The following SCAMP2 variants were observed in gnomAD, a reference collection of about 807,000 sequenced individuals.
The protein encoded by SCAMP2 is secretory carrier-associated membrane protein 2.
A neutral mutation model predicts 44.1 loss-of-function variants in SCAMP2; 25 were observed. The ratio of observed to expected loss-of-function variants is 0.57; its 90% CI spans 0.41 to 0.79. The LOEUF (loss-of-function observed/expected upper bound fraction) is 0.79, where lower values mean the gene tolerates loss of function less well. SCAMP2 is among the 30% of genes least tolerant of loss of function. The pLI is 0.00. For missense variants in SCAMP2, 355 were observed against 411.0 expected (o/e 0.86, Z 1.18); for synonymous variants, 156 against 166.0 (o/e 0.94, Z 0.46).
In SCAMP2 at chr15:74,844,905, A is replaced by G. The variant is rs1359134785; in HGVS notation, c.*178T>C. The G allele has an allele frequency of 4.6e-6, 3 of 645,996 alleles. No homozygotes were observed. The highest frequency in any genetic ancestry group is 4.5e-5 in the South Asian group (2 of 44,516). The allele number at this position is 645,996 out of a possible 1,614,324, so 40.0% of individuals were successfully genotyped here. On this transcript the variant is annotated 3_prime_UTR_variant, in exon 9 of 9. Coordinates refer to ENST00000268099, the MANE Select transcript of SCAMP2 (RefSeq NM_005697.5). ...TTTTTTTTTGTACATAGAGGGGGAA[A>G]AAATTCCCTGTCCCTCCCGTTCCAG...
At chr15:74,849,538 G>A (rs1007184436) in intron 6 of SCAMP2, among the ~76,000 whole-genome samples, 5 of 151,954 alleles carry the variant, frequency 3.3e-5, no homozygotes. Flanking sequence ...GAGGTCACAA[G>A]TTCAAGACCA....
rs913350013 is a variant in SCAMP2, at chr15:74,851,618, T to C, written c.344-137A>G. On this transcript the variant is annotated intron_variant, in intron 4 of 8. Coordinates refer to ENST00000268099, the MANE Select transcript of SCAMP2 (RefSeq NM_005697.5). ...CAGCAAGCGGGGCTTGGAGTCTGCATGGAGCATGGAGTGGGACAGAACAGG... is the reference window on the plus strand; with the variant it reads ...CAGCAAGCGGGGCTTGGAGTCTGCACGGAGCATGGAGTGGGACAGAACAGG... 10 of 1,036,166 alleles carry C rather than the reference T, an allele frequency of 9.7e-6. No homozygotes were observed. The African/African-American group carries it at 1.6e-4, about 17-fold the overall frequency. The allele number at this position is 1,036,166 out of a possible 1,614,324, so 64.2% of individuals were successfully genotyped here. A position where few individuals can be genotyped will look rare whatever the true frequency, so the allele number is the denominator to read the frequency against.
intron 1 of SCAMP2, among the ~76,000 whole-genome samples, chr15:74,865,493 A>C (rs2064536495): frequency 6.6e-6 from 1 of 151,750 alleles, no homozygotes; most frequent in African/African-American, 2.4e-5. Flanking sequence ...GGGTAGGGAG[A>C]GGATCCGAGA....
chr15:74,864,199 T>C (rs2064527121), intron 1 of SCAMP2, among the ~76,000 whole-genome samples: 1 of 152,124 alleles, frequency 6.6e-6, no homozygotes, highest in Non-Finnish European at 1.5e-5. Flanking sequence ...GTAGCTAGGA[T>C]TACAGGTGTG....
At chr15:74,866,642 C>G (rs2064546057) in intron 1 of SCAMP2, among the ~76,000 whole-genome samples, 1 of 151,996 alleles carries the variant, frequency 6.6e-6, no homozygotes, top group Non-Finnish European at 1.5e-5. Flanking sequence ...AATGAATAAC[C>G]CTGTTTTCCC....
At position 74,851,478 on chromosome 15, in the gene SCAMP2, C is replaced by T; in HGVS notation, c.347G>A (p.Arg116Lys). ...LQNTVANLHV[R>K]QNNWPPLPSW... is the part of the protein sequence containing the mutation. ...GGGCAGAGGGGGCCAGTTGTTCTGT[C>T]TCACTGGGTAGGGCAAAAAGAGTGA... Residue 116 changes from arginine (R) to lysine (K), a missense_variant, in exon 5 of 9, where the codon AGA becomes AAA. Arg to Lys is a conservative substitution (Grantham distance 26). Transcript: ENST00000268099. 1 of 1,613,852 alleles carries T rather than the reference C, an allele frequency of 6.2e-7. No individual in the cohort carries two copies. Among genetic ancestry groups the T allele is most frequent in the Non-Finnish European group, 8.5e-7 (1 of 1,179,798 alleles).
intron 6 of SCAMP2, among the ~76,000 whole-genome samples, chr15:74,849,514 C>T (rs2064421321): frequency 6.6e-6 from 1 of 152,088 alleles, no homozygotes; most frequent in South Asian, 2.1e-4. Context: ...GAGGCCGAGA[C>T]AGGTGGATCA....
Position 74,854,596 on chromosome 15 carries a change from G to C in SCAMP2, c.111C>G (p.Phe37Leu). 1 of 1,604,842 alleles carries C rather than the reference G, an allele frequency of 6.2e-7. No homozygotes were observed. Among genetic ancestry groups the C allele is most frequent in the South Asian group, 1.1e-5 (1 of 88,994 alleles). ...TNAPQGGLAEFNPFSETNAAT... is the reference protein window; with the variant it reads ...TNAPQGGLAELNPFSETNAAT... ...GCTCACCAACCTCTGAGAAGGGGTTGAATTCCGCCAGGCCGCCCTGCGGGG... is the reference window on the plus strand; with the variant it reads ...GCTCACCAACCTCTGAGAAGGGGTTCAATTCCGCCAGGCCGCCCTGCGGGG... The change falls in exon 2 of 9, where the codon TTC becomes TTG. Residue 37 changes from phenylalanine (F) to leucine (L), a missense_variant. By Grantham distance (22) the Phe-to-Leu change is conservative (BLOSUM62 0). Transcript: ENST00000268099.
intron 1 of SCAMP2, among the ~76,000 whole-genome samples, chr15:74,858,378 T>C (rs115098524): frequency 0.014 from 2,175 of 152,268 alleles, 33 homozygotes; most frequent in Non-Finnish European, 0.019. Flanking sequence ...AGGGTGGTAC[T>C]AGTTATACTC....
intron 2 of SCAMP2, 109 bp from the exon 3 acceptor site, chr15:74,854,228 C>T: frequency 1.0e-6 from 1 of 980,012 alleles, no homozygotes; most frequent in Non-Finnish European, 1.6e-6. Flanking sequence ...TGAGGGGACT[C>T]CCTCGGGGCC....
intron 4 of SCAMP2, 108 bp from the exon 5 acceptor site, chr15:74,851,589 G>A: frequency 7.1e-7 from 1 of 1,407,100 alleles, no homozygotes; most frequent in Non-Finnish European, 9.8e-7. Context: ...TCCCAGAGGG[G>A]CTCCAGCAAG....
chr15:74,858,797 G>A (rs2064483305), intron 1 of SCAMP2, among the ~76,000 whole-genome samples: 1 of 146,142 alleles, frequency 6.8e-6, no homozygotes, highest in Admixed American at 6.8e-5. Flanking sequence ...TTCCTTCAAA[G>A]AGCTGGTTCT....
Position 74,873,120 on chromosome 15 carries a change from C to A in SCAMP2, c.57+79G>T, listed in dbSNP as rs576075933. 67 of 1,257,512 alleles carry A rather than the reference C, an allele frequency of 5.3e-5. No individual in the cohort carries two copies. In the African/African-American group the frequency reaches 5.4e-4, roughly 10 times the overall value. The allele number at this position is 1,257,512 out of a possible 1,614,324, so 77.9% of individuals were successfully genotyped here. A position where few individuals can be genotyped will look rare whatever the true frequency, so the allele number is the denominator to read the frequency against. On this transcript the variant is annotated intron_variant, in intron 1 of 8. Coordinates refer to ENST00000268099, the MANE Select transcript of SCAMP2 (RefSeq NM_005697.5). The stretch of plus-strand genomic sequence containing the variant: ...CCCGTCCCTCCTACGCCACGTCTCC[C>A]GGCTCTAGCGAGAGGCCCGGGCGGC...
Position 74,845,206 on chromosome 15 carries a change from G to T in SCAMP2, c.867C>A (p.Leu289=), listed in dbSNP as rs1252948414. 11 of 1,613,044 alleles carry T rather than the reference G, an allele frequency of 6.8e-6. No homozygotes were observed. In the South Asian group the frequency reaches 1.1e-4, roughly 16 times the overall value. The change falls in exon 9 of 9, where the codon CTC becomes CTA. Residue 289 remains leucine, a synonymous_variant. Coordinates refer to ENST00000268099, the MANE Select transcript of SCAMP2 (RefSeq NM_005697.5). ...SVFLLQRVHS[L]YRRTGASFQQ... ...GGAAGCTGGCCCCTGTCCGTCGGTA[G>T]AGGGAGTGCACCTGGCGAAGAGGGG... is the stretch of plus-strand genomic sequence containing the variant.
intron 1 of SCAMP2, among the ~76,000 whole-genome samples, chr15:74,859,194 C>T (rs2064486737): frequency 6.6e-6 from 1 of 152,146 alleles, no homozygotes; most frequent in Non-Finnish European, 1.5e-5. Flanking sequence ...CCTGCAGTGC[C>T]ACTCAGAGTG....
Position 74,854,590 on chromosome 15 carries a change from G to T in SCAMP2, c.117C>A (p.Pro39=). 1 of 1,603,198 alleles carries T rather than the reference G, an allele frequency of 6.2e-7. No homozygotes were observed. Among genetic ancestry groups the T allele is most frequent in the Admixed American group, 1.7e-5 (1 of 58,752 alleles). The change falls in exon 2 of 9, where the codon CCC becomes CCA. Residue 39 remains proline (P), a synonymous_variant. Transcript: ENST00000268099. The stretch of plus-strand genomic sequence containing the variant: ...GGGCCTGCTCACCAACCTCTGAGAA[G>T]GGGTTGAATTCCGCCAGGCCGCCCT... The part of the protein sequence containing the change: ...APQGGLAEFN[P]FSETNAATTV...
chr15:74,851,968 T>TA, intron 4 of SCAMP2, 101 bp downstream of exon 4: 1 of 739,628 alleles, frequency 1.4e-6, no homozygotes, highest in Non-Finnish European at 2.1e-6. Context: ...CACAAAACTC[T>TA]AAGGCAGCTC....
chr15:74,871,785 C>G (rs760760659), intron 1 of SCAMP2, among the ~76,000 whole-genome samples: 1 of 150,238 alleles, frequency 6.7e-6, no homozygotes, highest in Non-Finnish European at 1.5e-5. Flanking sequence ...TGGCTCACCC[C>G]TGTAATCCCA....
intron 7 of SCAMP2, among the ~76,000 whole-genome samples, chr15:74,847,407 T>C (rs954307215): frequency 2.0e-5 from 3 of 152,362 alleles, no homozygotes; most frequent in Admixed American, 1.3e-4. Context: ...TCAAGCCTTC[T>C]GATTCCCAGT....
Sources: gnomAD v4.1 joint callset for allele counts (sites outside exome capture counted in the v4.1 genomes callset) on GRCh38, gnomAD v4.1.1 for gene constraint, MANE v1.5 for transcripts, NCBI Gene and HGNC (gene_info 2026-07-23, HGNC 2026-07-21) for gene names.